ANK2: variants seen among roughly 807,000 people sequenced by gnomAD.
The protein encoded by ANK2 is ankyrin-2.
In ANK2, 83 loss-of-function variants were observed where a neutral mutation model predicts 360.5. The observed-to-expected ratio is 0.23, with a 90% CI of 0.19 to 0.28. The LOEUF is 0.28. Ranked by LOEUF, ANK2 falls within the 10% of genes least tolerant of loss-of-function variation. The pLI, the probability that ANK2 is intolerant of heterozygous loss-of-function variation, is 1.00. For missense variants in ANK2, 4,201 were observed against 4,795.7 expected (o/e 0.88, Z 3.66); for synonymous variants, 1,740 against 1,759.5 (o/e 0.99, Z 0.28).
At chr4:113,000,278 G>T (rs572199279) in intron 2 of ANK2, among the ~76,000 whole-genome samples, 1 of 152,310 alleles carries the variant, frequency 6.6e-6, no homozygotes, top group Admixed American at 6.5e-5. Context: ...GATAAGAATT[G>T]CTCTCCTCTT....
chr4:113,101,962 A>G (rs1036927486), intron 1 of ANK2, among the ~76,000 whole-genome samples: 6 of 152,164 alleles, frequency 3.9e-5, no homozygotes, highest in Non-Finnish European at 1.5e-5. Flanking sequence ...GGCCAGTGTC[A>G]CCGGTGTATG....
chr4:112,841,142 C>G (rs1004824069), intron 1 of ANK2, among the ~76,000 whole-genome samples: 4 of 139,600 alleles, frequency 2.9e-5, no homozygotes, highest in Admixed American at 7.5e-5. Context: ...ATGAAAAGCC[C>G]CTTTACAGCA....
In ANK2 at chr4:113,377,914, A is replaced by T. The variant is rs1343614855; in HGVS notation, c.11860-3543A>T. Among the ~76,000 whole-genome samples the T allele has an allele frequency of 5.3e-5, 8 of 152,336 alleles. No individual in the cohort carries two copies. The East Asian group carries it at 1.5e-3, about 29-fold the overall frequency. On this transcript the variant is annotated intron_variant, in intron 45 of 45. Coordinates refer to ENST00000357077, the MANE Select transcript of ANK2 (RefSeq NM_001148.6). ...AACAAATCTCCCTCACAAATGAGAG[A>T]AACTAAAAGGACTTGTTAAATAAAA... is the stretch of plus-strand genomic sequence containing the variant.
In ANK2 at chr4:113,143,891, G is replaced by T. The variant is rs148943672; in HGVS notation, c.85-30525G>T. ...TGATGAGAAACTACCATATTATGAT[G>T]AATCGTTAGTCTATATAAAATTATT... On this transcript the variant is annotated intron_variant, in intron 1 of 45. Transcript: ENST00000357077. Among the ~76,000 whole-genome samples, 949 of 152,268 alleles carry T rather than the reference G, an allele frequency of 6.2e-3. 4 individuals are homozygous for T. Among genetic ancestry groups the T allele is most frequent in the South Asian group, 0.011 (51 of 4,834 alleles).
chr4:112,775,281 G>A, the ANK2 span, among the ~76,000 whole-genome samples: 6 of 152,152 alleles, frequency 3.9e-5, no homozygotes, highest in Non-Finnish European at 8.8e-5. Context: ...CACTTTTGGA[G>A]GCCGAGGCAG....
chr4:113,367,895 C>T (rs758759360), intron 42 of ANK2, 44 bp downstream of exon 42: 44 of 1,609,720 alleles, frequency 2.7e-5, no homozygotes, highest in Non-Finnish European at 3.5e-5. Context: ...ACCAAAGAAA[C>T]AGGCTATTGT....
At chr4:113,098,687 G>C (rs2092181146) in intron 1 of ANK2, among the ~76,000 whole-genome samples, 1 of 151,886 alleles carries the variant, frequency 6.6e-6, no homozygotes, top group African/African-American at 2.4e-5. Flanking sequence ...AATCCTATGA[G>C]GCTGGTATAA....
chr4:113,357,101 A>G lies in ANK2; in HGVS notation c.8483A>G (p.Asp2828Gly). Reference protein sequence around the residue: ...HEKDTEGEELDVSRAESPQAD... With the variant: ...HEKDTEGEELGVSRAESPQAD... ...AAAGACACAGAGGGAGAAGAGCTTG[A>G]TGTTTCTAGAGCAGAATCTCCACAA... The change falls in exon 38 of 46, where the codon GAT (aspartate) becomes GGT (glycine). Residue 2828 changes from aspartate (D) to glycine (G), a missense_variant. Physicochemically the swap from Asp to Gly is moderately conservative, Grantham distance 94. Transcript: ENST00000357077. 1 of 1,614,078 alleles carries G rather than the reference A, an allele frequency of 6.2e-7. No individual in the cohort carries two copies. The highest frequency in any genetic ancestry group is 1.1e-5 in the South Asian group (1 of 91,078).
Position 113,358,131 on chromosome 4 carries a change from A to T in ANK2, c.9513A>T (p.Ser3171=), listed in dbSNP as rs1238361426. Residue 3171 remains serine, a synonymous_variant, in exon 38 of 46, where the codon TCA becomes TCT. Transcript: ENST00000357077. ...TSAESLALSE[S]KETVDDEADL... is the part of the protein sequence containing the mutation. ...CTGAATCACTAGCACTTTCAGAATC[A>T]AAAGAAACAGTGGATGATGAGGCAG... 1.2e-6 allele frequency: 2 copies of T among 1,613,978 alleles called. No homozygotes were observed. Among genetic ancestry groups the T allele is most frequent in the Admixed American group, 3.3e-5 (2 of 59,992 alleles).
Position 113,381,746 on chromosome 4 carries a change from C to G in ANK2, c.*275C>G. On this transcript the variant is annotated 3_prime_UTR_variant, in exon 46 of 46. Transcript: ENST00000357077. ...TGGCCTAATTAATGGGATACCCCGA[C>G]ATTTCCACTGTTAGCAAATATACGG... 1 of 1,189,982 alleles carries G rather than the reference C, an allele frequency of 8.4e-7. No individual in the cohort carries two copies. Among genetic ancestry groups the G allele is most frequent in the South Asian group, 1.4e-5 (1 of 71,208 alleles). The allele number at this position is 1,189,982 out of a possible 1,614,324, so 73.7% of individuals were successfully genotyped here.
chr4:113,185,507 G>A (rs1584268472), intron 2 of ANK2, among the ~76,000 whole-genome samples: 1 of 152,268 alleles, frequency 6.6e-6, no homozygotes, highest in East Asian at 1.9e-4. Flanking sequence ...CCACATAAAT[G>A]TCTTCTTTTG....
intron 40 of ANK2, among the ~76,000 whole-genome samples, chr4:113,363,940 T>A (rs967335834): frequency 6.6e-5 from 10 of 152,178 alleles, no homozygotes; most frequent in Admixed American, 5.2e-4. Flanking sequence ...GGGAAAAGAA[T>A]GAATGAATTG....
chr4:112,848,001 T>C (rs1009509429), intron 1 of ANK2, among the ~76,000 whole-genome samples: 1 of 152,198 alleles, frequency 6.6e-6, no homozygotes, highest in African/African-American at 2.4e-5. Context: ...TGTCTGCCCA[T>C]CATTCATTGA....
At chr4:112,974,967 T>G in intron 2 of ANK2, among the ~76,000 whole-genome samples, 1 of 152,198 alleles carries the variant, frequency 6.6e-6, no homozygotes, top group Admixed American at 6.5e-5. Flanking sequence ...AAATTGACGC[T>G]TTCATTTTCA....
rs547350508 is a variant in ANK2 at position 113,104,207 on chromosome 4, CTGT to C, written c.84+54403_84+54405del. ...CAAAAGTTAGATGCTGGGGTTGTTG[CTGT>C]TGTTGTTTTCTTCTTTTCTTCCTTT... On this transcript the variant is annotated intron_variant, in intron 1 of 45. Coordinates refer to ENST00000357077, the MANE Select transcript of ANK2 (RefSeq NM_001148.6). 6.4e-4 allele frequency among the ~76,000 whole-genome samples: 98 copies of C among 152,190 alleles called. No individual in the cohort carries two copies. In the Middle Eastern group the frequency reaches 0.01, roughly 16 times the overall value.
chr4:113,127,105 C>G (rs1392580694), intron 1 of ANK2, among the ~76,000 whole-genome samples: 2 of 152,174 alleles, frequency 1.3e-5, no homozygotes, highest in Non-Finnish European at 1.5e-5. Context: ...TTTTCACTTA[C>G]AATCAAACAG....
chr4:113,146,110 A>G, intron 1 of ANK2: 1 of 1,187,214 alleles, frequency 8.4e-7, no homozygotes, highest in Non-Finnish European at 1.1e-6. Context: ...AGCTGACAGA[A>G]TAAAGCCAAT....
At chr4:112,832,898 T>A (rs1018605490) in intron 1 of ANK2, among the ~76,000 whole-genome samples, 1 of 152,240 alleles carries the variant, frequency 6.6e-6, no homozygotes, top group Non-Finnish European at 1.5e-5. Flanking sequence ...TAAGCACTCA[T>A]CTGATTAAAT....
chr4:113,306,305 T>C (rs2077218342), intron 23 of ANK2, among the ~76,000 whole-genome samples: 1 of 152,102 alleles, frequency 6.6e-6, no homozygotes, highest in Non-Finnish European at 1.5e-5. Flanking sequence ...GGCACATAGA[T>C]TTTAGGGATT....
Sources: gnomAD v4.1 joint callset for allele counts (sites outside exome capture counted in the v4.1 genomes callset) on GRCh38, gnomAD v4.1.1 for gene constraint, MANE v1.5 for transcripts, NCBI Gene and HGNC (gene_info 2026-07-23, HGNC 2026-07-21) for gene names.